The following HSCB variants were observed in gnomAD, a reference collection of about 807,000 sequenced individuals.
HSCB encodes the protein iron-sulfur cluster co-chaperone protein HscB.
A neutral mutation model predicts 31.3 loss-of-function variants in HSCB; 23 were observed. The observed-to-expected ratio is 0.74, with a 90% CI of 0.53 to 1.04. The LOEUF is 1.04. Ranked by LOEUF, HSCB falls within the 50% of genes least tolerant of loss-of-function variation. The pLI is 0.00. For missense variants in HSCB, 297 were observed against 288.1 expected, an observed-to-expected ratio of 1.03 and a Z score of -0.22; for synonymous variants, 110 against 104.5, an observed-to-expected ratio of 1.05 and a Z score of -0.32.
chr22:28,750,695 C>T (rs1245314691), intron 4 of HSCB, among the ~76,000 whole-genome samples: 2 of 152,122 alleles, frequency 1.3e-5, no homozygotes, highest in African/African-American at 2.4e-5. Context: ...CTGGAAAATT[C>T]CTCATTTTCT....
Position 28,757,211 on chromosome 22 carries a change from G to A in HSCB, c.*42G>A, listed in dbSNP as rs993645146. ...GTTTAAAAAATAAAGTTCTTGCTGG[G>A]CACAGTGGCTCACACCTGTAATCCC... On this transcript the variant is annotated 3_prime_UTR_variant, in exon 6 of 6. Transcript: ENST00000216027. 1.9e-6 allele frequency: 2 copies of A among 1,073,700 alleles called. No homozygotes were observed. Among genetic ancestry groups the A allele is most frequent in the Admixed American group, 1.8e-5 (1 of 56,904 alleles). The allele number at this position is 1,073,700 out of a possible 1,614,324, so 66.5% of individuals were successfully genotyped here. A position where few individuals can be genotyped will look rare whatever the true frequency, so the allele number is the denominator to read the frequency against.
intron 4 of HSCB, among the ~76,000 whole-genome samples, chr22:28,749,723 TG>T (rs1476771770): frequency 6.6e-6 from 1 of 152,140 alleles, no homozygotes; most frequent in African/African-American, 2.4e-5. Context: ...GCATTAGGAC[TG>T]GGTTGTAGGG....
Position 28,744,683 on chromosome 22 carries a change from C to A in HSCB, c.402C>A (p.Pro134=), listed in dbSNP as rs546651074. 3.1e-6 allele frequency: 5 copies of A among 1,613,724 alleles called. No homozygotes were observed. Among genetic ancestry groups the A allele is most frequent in the Non-Finnish European group, 4.2e-6 (5 of 1,179,582 alleles). The change falls in exon 3 of 6, where the codon CCC becomes CCA. Residue 134 remains proline (P), a synonymous_variant. Transcript: ENST00000216027. ...VNDAYKTLLA[P]LSRGLYLLKL... ...ATGCCTATAAGACCCTCCTGGCCCC[C>A]CTGAGCAGAGGACTGTACCTTGTAA...
At chr22:28,750,548 C>CT (rs1300902479) in intron 4 of HSCB, among the ~76,000 whole-genome samples, 4 of 152,160 alleles carry the variant, frequency 2.6e-5, no homozygotes, top group African/African-American at 9.7e-5. Context: ...GTTCCCAGCT[C>CT]TTCCACTCAT....
At chr22:28,748,435 G>C (rs926700557) in intron 4 of HSCB, among the ~76,000 whole-genome samples, 2 of 151,932 alleles carry the variant, frequency 1.3e-5, no homozygotes, top group Admixed American at 1.3e-4. Context: ...TCACTGGTCT[G>C]TCCGTACCTT....
chr22:28,749,495 A>G (rs561327363), intron 4 of HSCB, among the ~76,000 whole-genome samples: 4 of 152,188 alleles, frequency 2.6e-5, no homozygotes, highest in Non-Finnish European at 5.9e-5. Context: ...TGTGACATTA[A>G]TTGATCAATA....
chr22:28,757,000 A>G, intron 5 of HSCB, 78 bp from the exon 6 acceptor site: 1 of 823,506 alleles, frequency 1.2e-6, no homozygotes, highest in South Asian at 1.4e-5. Flanking sequence ...CCACTTATAT[A>G]TCGCTGCCCT....
At chr22:28,744,572 G>A in intron 2 of HSCB, 43 bp from the exon 3 acceptor site, 1 of 1,425,604 alleles carries the variant, frequency 7.0e-7, no homozygotes, top group Admixed American at 1.7e-5. Context: ...AAAAAACTTT[G>A]TGATTTGGAT....
At chr22:28,749,056 A>C (rs1452977339) in intron 4 of HSCB, among the ~76,000 whole-genome samples, 1 of 151,962 alleles carries the variant, frequency 6.6e-6, no homozygotes, top group African/African-American at 2.4e-5. Context: ...CAGAAGGATC[A>C]CTTGAGCCCA....
intron 5 of HSCB, among the ~76,000 whole-genome samples, chr22:28,753,899 G>T (rs5762776): frequency 7.3e-5 from 11 of 151,672 alleles, no homozygotes; most frequent in African/African-American, 2.7e-4. Context: ...AATCCTAGCA[G>T]TTTGGGAGGC....
intron 3 of HSCB, 33 bp downstream of exon 3, chr22:28,744,737 C>A (rs769719775): frequency 2.7e-6 from 4 of 1,495,368 alleles, no homozygotes; most frequent in South Asian, 2.3e-5. Context: ...CTGTGTATGA[C>A]GTCCTGATGC....
chr22:28,751,955 T>C (rs954619925), intron 5 of HSCB, among the ~76,000 whole-genome samples: 2 of 150,782 alleles, frequency 1.3e-5, no homozygotes, highest in Admixed American at 1.3e-4. Context: ...CTGAGTGTGG[T>C]GGCATGTGCC....
intron 5 of HSCB, among the ~76,000 whole-genome samples, chr22:28,755,162 G>A (rs34887403): frequency 0.11 from 16,782 of 148,372 alleles, 1,164 homozygotes; most frequent in South Asian, 0.3. Flanking sequence ...TGTAATCCCA[G>A]CACTTTGGGA....
At chr22:28,751,612 G>A (rs2030261999) in intron 5 of HSCB, among the ~76,000 whole-genome samples, 1 of 152,146 alleles carries the variant, frequency 6.6e-6, no homozygotes, top group Non-Finnish European at 1.5e-5. Flanking sequence ...GGGTGTGGTG[G>A]CACAACGCCT....
At chr22:28,746,033 G>A in intron 4 of HSCB, 25 bp downstream of exon 4, 3 of 1,588,710 alleles carry the variant, frequency 1.9e-6, no homozygotes, top group Admixed American at 1.7e-5. Context: ...AGCACTGAAT[G>A]TATTTCATTG....
chr22:28,744,560 CA>C (rs912482676), intron 2 of HSCB, 54 bp from the exon 3 acceptor site: 45 of 1,381,956 alleles, frequency 3.3e-5, no homozygotes, highest in Middle Eastern at 3.5e-4. Flanking sequence ...AAAACAAAAA[CA>C]AAAAAACTTT....
intron 4 of HSCB, among the ~76,000 whole-genome samples, chr22:28,749,811 AG>A (rs2030091095): frequency 6.6e-6 from 1 of 152,108 alleles, no homozygotes; most frequent in Admixed American, 6.6e-5. Context: ...GAAGATCTGG[AG>A]TGAGGGCAGC....
chr22:28,749,890 T>C (rs891904541), intron 4 of HSCB, among the ~76,000 whole-genome samples: 3 of 152,126 alleles, frequency 2.0e-5, no homozygotes, highest in Non-Finnish European at 4.4e-5. Context: ...TCCTCATCTG[T>C]ACGTGGAGAT....
intron 5 of HSCB, among the ~76,000 whole-genome samples, chr22:28,753,668 C>T (rs1003784897): frequency 2.7e-5 from 4 of 150,096 alleles, no homozygotes; most frequent in Non-Finnish European, 4.4e-5. Context: ...GAAACCCCGT[C>T]TCTACTAAAT....
Sources: gnomAD v4.1 joint callset for allele counts (sites outside exome capture counted in the v4.1 genomes callset) on GRCh38, gnomAD v4.1.1 for gene constraint, MANE v1.5 for transcripts, NCBI Gene and HGNC (gene_info 2026-07-23, HGNC 2026-07-21) for gene names.